Variants in PSMD1 observed in about 807,000 individuals in gnomAD.
PSMD1 encodes the protein 26S proteasome non-ATPase regulatory subunit 1.
A neutral mutation model predicts 119.0 loss-of-function variants in PSMD1; 18 were observed. The ratio of observed to expected loss-of-function variants is 0.15; its 90% CI spans 0.10 to 0.22. The LOEUF (loss-of-function observed/expected upper bound fraction) is 0.22, where lower values mean the gene tolerates loss of function less well. PSMD1 is among the 10% of genes least tolerant of loss of function. The pLI, the probability that PSMD1 is intolerant of heterozygous loss-of-function variation, is 1.00. For missense variants in PSMD1, 702 were observed against 1,158.5 expected (o/e 0.61, Z 5.72); for synonymous variants, 374 against 396.6 (o/e 0.94, Z 0.68).
chr2:231,062,253 T>C lies in PSMD1; in HGVS notation c.66T>C (p.Phe22=), dbSNP rs1383308252. 3 of 1,611,318 alleles carry C rather than the reference T, an allele frequency of 1.9e-6. No homozygotes were observed. Among genetic ancestry groups the C allele is most frequent in the Admixed American group, 1.7e-5 (1 of 59,910 alleles). The change falls in exon 3 of 25, where the codon TTT becomes TTC. Residue 22 remains phenylalanine (F), a synonymous_variant. Coordinates refer to ENST00000308696, the MANE Select transcript of PSMD1 (RefSeq NM_002807.4). ...LDEDEPQLKE[F]ALHKLNAVVN... ...ATTTTGGTTATCTTTTACAGGAATT[T>C]GCACTACACAAATTGAATGCAGTTG...
At chr2:231,123,010 T>G (rs996059515) in intron 16 of PSMD1, among the ~76,000 whole-genome samples, 1 of 152,178 alleles carries the variant, frequency 6.6e-6, no homozygotes, top group South Asian at 2.1e-4. Context: ...TCAAAGACCT[T>G]ATCGTTAACC....
At chr2:231,172,205 G>C (rs1002316784) in intron 24 of PSMD1, among the ~76,000 whole-genome samples, 1 of 152,178 alleles carries the variant, frequency 6.6e-6, no homozygotes, top group Non-Finnish European at 1.5e-5. Context: ...TCTGAGAATT[G>C]AGGTGACTCA....
intron 16 of PSMD1, among the ~76,000 whole-genome samples, chr2:231,114,723 TAAAA>T (rs34365737): frequency 6.6e-6 from 1 of 152,164 alleles, no homozygotes; most frequent in African/African-American, 2.4e-5. Flanking sequence ...ATATTAACCT[TAAAA>T]AAATTTTAGG....
chr2:231,065,352 G>A (rs949937165), intron 4 of PSMD1, among the ~76,000 whole-genome samples: 4 of 151,282 alleles, frequency 2.6e-5, no homozygotes, highest in African/African-American at 9.7e-5. Flanking sequence ...GAGTGCAGTG[G>A]CGCGATCTCG....
chr2:231,130,505 C>T (rs1695828352), intron 16 of PSMD1, among the ~76,000 whole-genome samples: 3 of 152,158 alleles, frequency 2.0e-5, no homozygotes, highest in Admixed American at 1.3e-4. Flanking sequence ...AGGCATCACT[C>T]TGTTGCCCAG....
At chr2:231,073,424 A>T (rs564645212) in intron 7 of PSMD1, among the ~76,000 whole-genome samples, 1 of 152,304 alleles carries the variant, frequency 6.6e-6, no homozygotes, top group South Asian at 2.1e-4. Flanking sequence ...TTTCCTTATT[A>T]CTAAAACTAT....
At chr2:231,146,417 T>A in intron 18 of PSMD1, 61 bp downstream of exon 18, 1 of 1,335,218 alleles carries the variant, frequency 7.5e-7, no homozygotes, top group Non-Finnish European at 1.1e-6. Context: ...TAGTAACTTA[T>A]CGTCTTTTGA....
intron 16 of PSMD1, chr2:231,108,416 G>C: frequency 1.2e-6 from 1 of 822,680 alleles, no homozygotes; most frequent in Non-Finnish European, 2.0e-6. Context: ...GAGATGATTT[G>C]ATATATGACA....
chr2:231,087,708 A>G (rs892771090), intron 16 of PSMD1, among the ~76,000 whole-genome samples: 4 of 152,136 alleles, frequency 2.6e-5, no homozygotes, highest in Non-Finnish European at 5.9e-5. Context: ...CATGCCTGTA[A>G]TCCCAGCACT....
rs529879796 is a variant in PSMD1 at position 231,094,033 on chromosome 2, A to G, written c.1883+6852A>G. On this transcript the variant is annotated intron_variant, in intron 16 of 24. Transcript: ENST00000308696. ...ACTAATTAACTGAGAATTGGCATCA[A>G]TGGATACATGTACATATCTTTGTTT... is the stretch of plus-strand genomic sequence containing the variant. 5.3e-5 allele frequency among the ~76,000 whole-genome samples: 8 copies of G among 152,326 alleles called. No individual in the cohort carries two copies. In the South Asian group the frequency reaches 1.7e-3, roughly 32 times the overall value.
At chr2:231,095,615 T>C (rs1329624427) in intron 16 of PSMD1, among the ~76,000 whole-genome samples, 1 of 152,248 alleles carries the variant, frequency 6.6e-6, no homozygotes, top group Non-Finnish European at 1.5e-5. Flanking sequence ...GGAAACACTT[T>C]CCAATGAAAT....
At chr2:231,129,871 C>T (rs953648619) in intron 16 of PSMD1, among the ~76,000 whole-genome samples, 6 of 152,014 alleles carry the variant, frequency 3.9e-5, no homozygotes, top group African/African-American at 1.5e-4. Context: ...TGTTTGTTTT[C>T]GAGACGGAGT....
intron 7 of PSMD1, among the ~76,000 whole-genome samples, chr2:231,074,093 TA>T (rs1694103105): frequency 6.6e-6 from 1 of 152,034 alleles, no homozygotes; most frequent in African/African-American, 2.4e-5. Flanking sequence ...TTTTCAATCT[TA>T]GGGGGATAGA....
At chr2:231,090,842 G>A (rs1559226256) in intron 16 of PSMD1, among the ~76,000 whole-genome samples, 1 of 152,220 alleles carries the variant, frequency 6.6e-6, no homozygotes, top group Non-Finnish European at 1.5e-5. Context: ...TAGAAATGGA[G>A]TCTGAAGATG....
At chr2:231,150,169 C>A (rs1696341369) in intron 18 of PSMD1, among the ~76,000 whole-genome samples, 1 of 151,870 alleles carries the variant, frequency 6.6e-6, no homozygotes, top group Admixed American at 6.5e-5. Flanking sequence ...CATAGCGAAA[C>A]CCCGTCTCTA....
rs915956718 is a variant in PSMD1 at position 231,068,760 on chromosome 2, C to T, written c.511-1265C>T. On this transcript the variant is annotated intron_variant, in intron 5 of 24. Transcript: ENST00000308696. ...TCACAGTGCTTGTGTTCAGATAACCCTTATTCTACTCAGTAATGGCCTCAA... is the reference window on the plus strand; with the variant it reads ...TCACAGTGCTTGTGTTCAGATAACCTTTATTCTACTCAGTAATGGCCTCAA... 2.0e-5 allele frequency among the ~76,000 whole-genome samples: 3 copies of T among 152,130 alleles called. 1 individual carries two copies. The highest frequency in any genetic ancestry group is 4.4e-5 in the Non-Finnish European group (3 of 68,026).
chr2:231,069,161 T>C (rs1203015354), intron 5 of PSMD1, among the ~76,000 whole-genome samples: 2 of 150,568 alleles, frequency 1.3e-5, no homozygotes, highest in Non-Finnish European at 1.5e-5. Flanking sequence ...CAAATAAATA[T>C]ATAAAGTAAA....
intron 16 of PSMD1, among the ~76,000 whole-genome samples, chr2:231,136,885 T>G (rs1695976821): frequency 1.3e-5 from 2 of 149,436 alleles, no homozygotes; most frequent in Admixed American, 1.3e-4. Context: ...TTTTTCTCCT[T>G]AGCATTCATA....
chr2:231,100,678 G>A (rs991699353), intron 16 of PSMD1, among the ~76,000 whole-genome samples: 7 of 152,202 alleles, frequency 4.6e-5, no homozygotes, highest in Non-Finnish European at 8.8e-5. Context: ...AAGAAATTTA[G>A]AACTCATATC....
Sources: allele counts gnomAD v4.1 joint callset (sites outside exome capture counted in the v4.1 genomes callset), GRCh38; gene constraint gnomAD v4.1.1; transcripts MANE v1.5; gene names NCBI Gene and HGNC (gene_info 2026-07-23, HGNC 2026-07-21).